USP15: variants seen among roughly 807,000 people sequenced by gnomAD.
USP15 encodes the protein ubiquitin carboxyl-terminal hydrolase 15.
Under a neutral mutation model 127.1 loss-of-function variants are expected in USP15, and 18 were observed. The ratio of observed to expected loss-of-function variants is 0.14; its 90% confidence interval spans 0.10 to 0.21. The LOEUF is 0.21. Ranked by LOEUF, USP15 falls within the 10% of genes least tolerant of loss-of-function variation. USP15 has a pLI of 1.00. For missense variants in USP15, 805 were observed against 1,159.9 expected (o/e 0.69, Z 4.44); for synonymous variants, 364 against 393.7 (o/e 0.92, Z 0.89).
intron 6 of USP15, among the ~76,000 whole-genome samples, chr12:62,345,927 A>G (rs1046974587): frequency 2.5e-4 from 38 of 152,158 alleles, no homozygotes; most frequent in African/African-American, 6.0e-4. Context: ...CCGTGATTCA[A>G]TCATTTCCCA....
At chr12:62,300,997 G>A (rs1186271105) in intron 2 of USP15, among the ~76,000 whole-genome samples, 1 of 152,102 alleles carries the variant, frequency 6.6e-6, no homozygotes, top group East Asian at 1.9e-4. Context: ...AGACTTGTTT[G>A]TAGAATATAC....
intron 6 of USP15, chr12:62,334,305 C>CT (rs2065392553): frequency 6.6e-6 from 1 of 151,952 alleles, no homozygotes; most frequent in Non-Finnish European, 1.5e-5. Context: ...AGTTTTGGTG[C>CT]TTAGATTCAT....
intron 11 of USP15, 25 bp downstream of exon 11, chr12:62,384,327 G>GTTTTTTTTTTTTTTT: frequency 3.8e-6 from 4 of 1,055,232 alleles, no homozygotes; most frequent in Non-Finnish European, 3.8e-6. Flanking sequence ...GGTTTGTTTT[G>GTTTTTTTTTTTTTTT]TTTTTTTTTT....
intron 8 of USP15, among the ~76,000 whole-genome samples, chr12:62,363,105 C>G (rs1435407726): frequency 6.6e-6 from 1 of 152,082 alleles, no homozygotes; most frequent in Non-Finnish European, 1.5e-5. Flanking sequence ...GTTACAAAGG[C>G]ACTAAAGGTT....
Position 62,404,302 on chromosome 12 carries a change from C to T in USP15, c.2873C>T (p.Pro958Leu). The change falls in exon 22 of 22, where the codon CCA (proline) becomes CTA (leucine). Residue 958 changes from proline to leucine, a missense_variant. Physicochemically the swap from Pro to Leu is moderately conservative, Grantham distance 98. Around this residue, in one of 11 missense-constraint regions of USP15, gnomAD observed 116 missense variants for 157.2 expected, o/e 0.74. Transcript: ENST00000280377. ...TKGASAATGIPLESDEDSNDN... is the reference protein window; with the variant it reads ...TKGASAATGILLESDEDSNDN... ...GGTGCTTCAGCTGCCACTGGCATCC[C>T]ATTAGAAAGTGATGAAGATAGCAAT... The T allele has an allele frequency of 6.2e-7, 1 of 1,613,080 alleles. No individual in the cohort carries two copies. Among genetic ancestry groups the T allele is most frequent in the Non-Finnish European group, 8.5e-7 (1 of 1,179,294 alleles).
intron 8 of USP15, among the ~76,000 whole-genome samples, chr12:62,379,780 A>G (rs931499499): frequency 6.6e-6 from 1 of 152,096 alleles, no homozygotes; most frequent in South Asian, 2.1e-4. Flanking sequence ...TTTGTACTAA[A>G]TCAGATGATA....
chr12:62,407,400 G>T lies in USP15; in HGVS notation c.*3025G>T, dbSNP rs2067903336. ...GCTCAAATGAGATCATGTATTTTAT[G>T]GGAAGAGCTTTGTAAACTTTATTAC... is the stretch of plus-strand genomic sequence containing the variant. On this transcript the variant is annotated 3_prime_UTR_variant, in exon 22 of 22. Transcript: ENST00000280377. 6.6e-6 allele frequency: 1 copy of T among 152,060 alleles called. No homozygotes were observed. The highest frequency in any genetic ancestry group is 1.5e-5 in the Non-Finnish European group (1 of 68,012). 9.4% of individuals were successfully genotyped at this position (152,060 alleles called of 1,614,324 possible).
rs1183571601 is a variant in USP15 at position 62,413,695 on chromosome 12, G to A, written c.*9320G>A. On this transcript the variant is annotated 3_prime_UTR_variant, in exon 22 of 22. Coordinates refer to ENST00000280377, the MANE Select transcript of USP15 (RefSeq NM_001252078.2). ...GCGTTAGGCTTTGGCTTAAGATAGT[G>A]TTGTGGCTGATTTGATCTATTAAAA... 1 of 150,360 alleles carries A rather than the reference G, an allele frequency of 6.7e-6. No individual in the cohort carries two copies. The highest frequency in any genetic ancestry group is 1.5e-5 in the Non-Finnish European group (1 of 67,756). 9.3% of individuals were successfully genotyped at this position (150,360 alleles called of 1,614,324 possible). A position where few individuals can be genotyped will look rare whatever the true frequency, so the allele number is the denominator to read the frequency against.
intron 8 of USP15, among the ~76,000 whole-genome samples, chr12:62,370,668 C>T (rs2066634203): frequency 6.6e-6 from 1 of 152,126 alleles, no homozygotes. Context: ...CACTCTTGAC[C>T]TCCTGTTTGC....
intron 8 of USP15, among the ~76,000 whole-genome samples, chr12:62,359,250 A>C (rs1376992609): frequency 3.2e-4 from 48 of 151,766 alleles, no homozygotes; most frequent in Admixed American, 1.4e-3. Flanking sequence ...AAAAAAAAAA[A>C]AAAAAGAAAC....
chr12:62,399,802 A>G (rs756708879), intron 20 of USP15, among the ~76,000 whole-genome samples: 1 of 152,078 alleles, frequency 6.6e-6, no homozygotes, highest in Non-Finnish European at 1.5e-5. Flanking sequence ...CCATTATTTT[A>G]TTGTGATTGG....
chr12:62,378,062 C>G (rs2066885159), intron 8 of USP15, among the ~76,000 whole-genome samples: 1 of 151,502 alleles, frequency 6.6e-6, no homozygotes, highest in Non-Finnish European at 1.5e-5. Flanking sequence ...CAAAAATTAG[C>G]CAGGTGCGGT....
At chr12:62,326,778 TAAC>T (rs2065140539) in intron 6 of USP15, among the ~76,000 whole-genome samples, 2 of 152,176 alleles carry the variant, frequency 1.3e-5, no homozygotes, top group South Asian at 2.1e-4. Context: ...AAAAAACTAA[TAAC>T]AATTTAGTAC....
chr12:62,285,740 T>G (rs1244711833), intron 1 of USP15, among the ~76,000 whole-genome samples: 1 of 152,242 alleles, frequency 6.6e-6, no homozygotes. Context: ...AGTGCTGTGA[T>G]AAACATACAA....
At chr12:62,376,117 C>G (rs115325495) in intron 8 of USP15, among the ~76,000 whole-genome samples, 1 of 152,176 alleles carries the variant, frequency 6.6e-6, no homozygotes, top group Non-Finnish European at 1.5e-5. Flanking sequence ...CTACCATATA[C>G]TAAATATGAA....
intron 1 of USP15, among the ~76,000 whole-genome samples, chr12:62,287,671 GT>G (rs1437423703): frequency 1.3e-5 from 2 of 151,660 alleles, no homozygotes; most frequent in Admixed American, 6.6e-5. Context: ...TTTTTCCTAG[GT>G]TTTTTTTAGG....
chr12:62,295,272 T>C (rs985455144), intron 2 of USP15, among the ~76,000 whole-genome samples: 1 of 152,182 alleles, frequency 6.6e-6, no homozygotes, highest in Admixed American at 6.5e-5. Context: ...TGGGAATCGT[T>C]TGTGTTCTCA....
chr12:62,271,725 T>C (rs1006140661), intron 1 of USP15, among the ~76,000 whole-genome samples: 1 of 151,948 alleles, frequency 6.6e-6, no homozygotes, highest in East Asian at 1.9e-4. Flanking sequence ...ACAAGATATC[T>C]TTAGTATGGA....
chr12:62,396,245 AT>A, intron 19 of USP15, 49 bp from the exon 20 acceptor site: 5 of 1,452,562 alleles, frequency 3.4e-6, no homozygotes, highest in Non-Finnish European at 2.8e-6. Flanking sequence ...AATAGAATTC[AT>A]TGCATTTAGG....
Sources: gnomAD v4.1 joint callset for allele counts (sites outside exome capture counted in the v4.1 genomes callset) on GRCh38, gnomAD v4.1.1 for gene constraint, gnomAD v4.1.1 regional missense constraint, MANE v1.5 for transcripts, NCBI Gene and HGNC (gene_info 2026-07-23, HGNC 2026-07-21) for gene names.